The following PTPN2 variants were observed in gnomAD, a reference collection of about 807,000 sequenced individuals.
PTPN2 encodes the protein tyrosine-protein phosphatase non-receptor type 2.
In PTPN2, 19 loss-of-function variants were observed where a neutral mutation model predicts 57.3. The ratio of observed to expected loss-of-function variants is 0.33; its 90% CI spans 0.23 to 0.49. PTPN2 has a LOEUF of 0.49. PTPN2 is among the 20% of genes least tolerant of loss of function. The pLI is 0.99. For synonymous variants in PTPN2, 153 were observed against 164.9 expected, an observed-to-expected ratio of 0.93 and a Z score of 0.55; for missense variants, 358 against 501.1, an observed-to-expected ratio of 0.71 and a Z score of 2.73.
chr18:12,813,864 T>TAAACCA (rs1175891904), intron 7 of PTPN2, among the ~76,000 whole-genome samples: 1 of 152,240 alleles, frequency 6.6e-6, no homozygotes, highest in Non-Finnish European at 1.5e-5. Flanking sequence ...AAATATCACA[T>TAAACCA]AAACCAAGTA....
At chr18:12,821,020 C>T (rs1325763225) in intron 5 of PTPN2, among the ~76,000 whole-genome samples, 3 of 152,126 alleles carry the variant, frequency 2.0e-5, no homozygotes, top group Non-Finnish European at 4.4e-5. Context: ...CCTTCAAATG[C>T]AAGTTAATAA....
chr18:12,861,593 G>C (rs1309757436), intron 1 of PTPN2, among the ~76,000 whole-genome samples: 1 of 152,152 alleles, frequency 6.6e-6, no homozygotes, highest in Non-Finnish European at 1.5e-5. Context: ...CTAAAGGTTA[G>C]CATAAATGTA....
chr18:12,873,899 C>A (rs373903174), intron 1 of PTPN2, among the ~76,000 whole-genome samples: 1 of 151,346 alleles, frequency 6.6e-6, no homozygotes, highest in African/African-American at 2.4e-5. Context: ...TTTGCCCCGC[C>A]GCCCCGTCTG....
Position 12,884,197 on chromosome 18 carries a change from C to G in PTPN2, c.-56G>C. 7.1e-7 allele frequency: 1 copy of G among 1,412,420 alleles called. No homozygotes were observed. The allele number at this position is 1,412,420 out of a possible 1,614,324, so 87.5% of individuals were successfully genotyped here. A position where few individuals can be genotyped will look rare whatever the true frequency, so the allele number is the denominator to read the frequency against. ...CCTGCGCCGGCGGAGAGGCTCAGGC[C>G]CCGCACGATCCGGGGAGAGCGCTGG... On this transcript the variant is annotated 5_prime_UTR_variant, in exon 1 of 9. Coordinates refer to ENST00000309660, the MANE Select transcript of PTPN2 (RefSeq NM_002828.4).
intron 1 of PTPN2, among the ~76,000 whole-genome samples, chr18:12,869,596 T>C (rs905573596): frequency 2.0e-5 from 3 of 152,240 alleles, no homozygotes; most frequent in Admixed American, 6.5e-5. Context: ...GTTCTATGTA[T>C]GGCATACAGA....
chr18:12,792,961 T>C lies in PTPN2; in HGVS notation c.*1317A>G, dbSNP rs1411990546. ...TTATGCAGAAATCTTATGTGGCATA[T>C]AAAGAGACAAGGCAGAGATGCTGTG... On this transcript the variant is annotated 3_prime_UTR_variant, in exon 9 of 9. Transcript: ENST00000309660. 4.5e-5 allele frequency: 44 copies of C among 984,368 alleles called. No homozygotes were observed. The highest frequency in any genetic ancestry group is 5.3e-5 in the Non-Finnish European group (44 of 829,104). 61.0% of individuals were successfully genotyped at this position (984,368 alleles called of 1,614,324 possible).
intron 5 of PTPN2, among the ~76,000 whole-genome samples, chr18:12,822,057 T>C (rs1160377073): frequency 1.3e-5 from 2 of 152,086 alleles, no homozygotes; most frequent in Non-Finnish European, 2.9e-5. Flanking sequence ...AAATTTAAAT[T>C]ACTGAAAAAG....
At chr18:12,804,776 C>T (rs141183556) in intron 7 of PTPN2, among the ~76,000 whole-genome samples, 3 of 152,136 alleles carry the variant, frequency 2.0e-5, no homozygotes, top group Non-Finnish European at 4.4e-5. Flanking sequence ...GACTTGATGG[C>T]TTCATGGCTG....
chr18:12,791,878 C>T (rs1456580307), downstream of PTPN2, among the ~76,000 whole-genome samples: 1 of 152,220 alleles, frequency 6.6e-6, no homozygotes, highest in Non-Finnish European at 1.5e-5. Context: ...CTCAAGTCTT[C>T]ACCTGTGTAC....
At chr18:12,789,860 A>ATG (rs1555655091), downstream of PTPN2, among the ~76,000 whole-genome samples, 30,577 of 105,422 alleles carry the variant, frequency 0.29, 3,276 homozygotes, top group East Asian at 0.49. Flanking sequence ...ATCTCTCTGT[A>ATG]TGTGTGTGTG....
chr18:12,813,857 T>C (rs2041977747), intron 7 of PTPN2, among the ~76,000 whole-genome samples: 1 of 152,234 alleles, frequency 6.6e-6, no homozygotes, highest in Non-Finnish European at 1.5e-5. Context: ...TAAAGTCAAA[T>C]ATCACATAAA....
At chr18:12,825,167 ATG>A (rs946717948) in intron 5 of PTPN2, among the ~76,000 whole-genome samples, 4 of 152,154 alleles carry the variant, frequency 2.6e-5, no homozygotes, top group African/African-American at 7.2e-5. Context: ...ACATTTATAC[ATG>A]TGTGTGTATG....
At chr18:12,843,332 G>A (rs2145420376) in intron 2 of PTPN2, among the ~76,000 whole-genome samples, 1 of 152,230 alleles carries the variant, frequency 6.6e-6, no homozygotes, top group Non-Finnish European at 1.5e-5. Context: ...AATACCCTAA[G>A]AGGGTATTAA....
intron 7 of PTPN2, among the ~76,000 whole-genome samples, chr18:12,803,386 T>G (rs1010297949): frequency 2.6e-5 from 4 of 152,190 alleles, no homozygotes; most frequent in Admixed American, 2.6e-4. Context: ...TAAGTCCTTA[T>G]CTATCAATAA....
chr18:12,812,755 G>A (rs2041936526), intron 7 of PTPN2, among the ~76,000 whole-genome samples: 1 of 152,104 alleles, frequency 6.6e-6, no homozygotes, highest in South Asian at 2.1e-4. Context: ...CCTTGGAATG[G>A]GCAGCATGCT....
chr18:12,802,277 TGAAAAA>T, intron 7 of PTPN2, 126 bp from the exon 8 acceptor site: 3 of 778,276 alleles, frequency 3.9e-6, no homozygotes, highest in Middle Eastern at 3.9e-4. Context: ...AAAAGATGAG[TGAAAAA>T]GAAAAAGGCA....
intron 1 of PTPN2, among the ~76,000 whole-genome samples, chr18:12,870,232 G>T (rs1319193934): frequency 7.1e-6 from 1 of 141,790 alleles, no homozygotes; most frequent in Non-Finnish European, 1.5e-5. Context: ...AGCAGATACA[G>T]ATAGGAATCC....
chr18:12,806,799 T>C (rs999555888), intron 7 of PTPN2, among the ~76,000 whole-genome samples: 2 of 151,930 alleles, frequency 1.3e-5, no homozygotes, highest in Admixed American at 6.6e-5. Context: ...CAACTCAAAA[T>C]GGACTAAAGA....
intron 8 of PTPN2, 80 bp from the exon 9 acceptor site, chr18:12,794,565 A>T (rs2041095501): frequency 6.7e-7 from 1 of 1,497,056 alleles, no homozygotes; most frequent in Admixed American, 2.1e-5. Flanking sequence ...ACCTAGGCGC[A>T]AATAAAACCA....
Sources: allele counts gnomAD v4.1 joint callset (sites outside exome capture counted in the v4.1 genomes callset), GRCh38; gene constraint gnomAD v4.1.1; transcripts MANE v1.5; gene names NCBI Gene and HGNC (gene_info 2026-07-23, HGNC 2026-07-21).